CCSER1: variants seen among roughly 807,000 people sequenced by gnomAD.
The protein encoded by CCSER1 is serine-rich coiled-coil domain-containing protein 1.
In CCSER1, 41 loss-of-function variants were observed where a neutral mutation model predicts 82.0. The observed-to-expected ratio is 0.50, with a 90% CI of 0.39 to 0.65. CCSER1 has a LOEUF of 0.65. CCSER1 is among the 30% of genes least tolerant of loss of function. The pLI, the probability that CCSER1 is intolerant of heterozygous loss-of-function variation, is 0.00. For synonymous variants in CCSER1, 414 were observed against 383.9 expected (o/e 1.08, Z -0.92); for missense variants, 1,119 against 1,064.2 (o/e 1.05, Z -0.72).
At chr4:90,258,241 A>C (rs1723699316) in intron 1 of CCSER1, among the ~76,000 whole-genome samples, 1 of 152,196 alleles carries the variant, frequency 6.6e-6, no homozygotes, top group Admixed American at 6.5e-5. Flanking sequence ...TCGGATGGGC[A>C]CGGTGGCTCA....
intron 9 of CCSER1, among the ~76,000 whole-genome samples, chr4:91,083,434 G>A (rs981007373): frequency 3.3e-5 from 5 of 152,246 alleles, no homozygotes; most frequent in South Asian, 2.1e-4. Context: ...GGGAAGGATA[G>A]CATTAGGAGA....
chr4:90,130,157 T>C (rs1722566006), intron 1 of CCSER1, among the ~76,000 whole-genome samples: 1 of 152,214 alleles, frequency 6.6e-6, no homozygotes, highest in African/African-American at 2.4e-5. Flanking sequence ...CTCATCATAA[T>C]GCTCATAATA....
chr4:91,430,727 T>G (rs1456832762), intron 10 of CCSER1, among the ~76,000 whole-genome samples: 5 of 152,254 alleles, frequency 3.3e-5, no homozygotes, highest in Admixed American at 3.3e-4. Flanking sequence ...ATGAATGTAC[T>G]ACATATTTCT....
intron 6 of CCSER1, among the ~76,000 whole-genome samples, chr4:90,696,491 G>C (rs2149257298): frequency 6.6e-6 from 1 of 152,098 alleles, no homozygotes; most frequent in South Asian, 2.1e-4. Flanking sequence ...ACTTGGTTTT[G>C]TATTTTACCT....
Position 91,094,496 on chromosome 4 carries a change from C to T in CCSER1, c.2217+8502C>T, listed in dbSNP as rs189371759. ...AACCAAGCGTAAGTCCTGTACAGTT[C>T]GATAGTCCTTGGTCCCTGGCTTGGG... On this transcript the variant is annotated intron_variant, in intron 10 of 10. Transcript: ENST00000509176. Among the ~76,000 whole-genome samples the T allele has an allele frequency of 6.6e-5, 10 of 152,216 alleles. No homozygotes were observed. The East Asian group carries it at 1.4e-3, about 21-fold the overall frequency.
intron 4 of CCSER1, among the ~76,000 whole-genome samples, chr4:90,454,024 G>A (rs1393400719): frequency 6.6e-6 from 1 of 152,166 alleles, no homozygotes; most frequent in African/African-American, 2.4e-5. Flanking sequence ...GGTGACCTGT[G>A]TCTCTGGGGA....
intron 5 of CCSER1, among the ~76,000 whole-genome samples, chr4:90,520,933 G>A (rs1029417607): frequency 6.6e-6 from 1 of 152,084 alleles, no homozygotes; most frequent in African/African-American, 2.4e-5. Context: ...AGATAAGTGA[G>A]TAAAATGTGT....
chr4:91,487,240 T>G (rs1758271394), intron 10 of CCSER1, among the ~76,000 whole-genome samples: 1 of 152,090 alleles, frequency 6.6e-6, no homozygotes, highest in South Asian at 2.1e-4. Flanking sequence ...CCTTTCAACT[T>G]TTTTTGGTAT....
At chr4:90,131,231 C>A (rs1034579813) in intron 1 of CCSER1, among the ~76,000 whole-genome samples, 4 of 152,210 alleles carry the variant, frequency 2.6e-5, no homozygotes. Flanking sequence ...GAACTCCGGA[C>A]CTCAGTTGAT....
chr4:90,232,401 A>G lies in CCSER1; in HGVS notation c.-41-75843A>G, dbSNP rs1355857089. Among the ~76,000 whole-genome samples the G allele has an allele frequency of 1.3e-4, 20 of 152,072 alleles. No individual in the cohort carries two copies. In the South Asian group the frequency reaches 1.7e-3, roughly 13 times the overall value. On this transcript the variant is annotated intron_variant, in intron 1 of 10. Transcript: ENST00000509176. ...GATTCCCTATTTAATAAATGGTGCT[A>G]GGAAAACTGGCTAGCCATATGTAGA...
At chr4:90,228,789 G>A (rs1453837643) in intron 1 of CCSER1, among the ~76,000 whole-genome samples, 2 of 152,230 alleles carry the variant, frequency 1.3e-5, no homozygotes, top group African/African-American at 4.8e-5. Context: ...AGCTGATGGA[G>A]CTGAAGACCA....
chr4:90,249,570 T>A (rs1578747576), intron 1 of CCSER1, among the ~76,000 whole-genome samples: 1 of 152,176 alleles, frequency 6.6e-6, no homozygotes, highest in Admixed American at 6.6e-5. Context: ...TTCTGAACAC[T>A]TCATATAAAT....
chr4:91,145,418 C>A (rs1729444105), intron 10 of CCSER1, among the ~76,000 whole-genome samples: 1 of 152,068 alleles, frequency 6.6e-6, no homozygotes, highest in South Asian at 2.1e-4. Flanking sequence ...GCTTGTCACT[C>A]TGCCTTTTAA....
At chr4:91,031,203 G>A (rs1411170089) in intron 9 of CCSER1, among the ~76,000 whole-genome samples, 2 of 152,118 alleles carry the variant, frequency 1.3e-5, no homozygotes, top group African/African-American at 4.8e-5. Flanking sequence ...GCTTGATTTT[G>A]ATATAAAACC....
intron 9 of CCSER1, among the ~76,000 whole-genome samples, chr4:91,073,118 C>T (rs1721607618): frequency 1.3e-5 from 2 of 151,896 alleles, no homozygotes; most frequent in South Asian, 2.1e-4. Flanking sequence ...ACAGTATAGA[C>T]ATTCAAAGAT....
At chr4:90,881,487 C>T (rs1038082178) in intron 8 of CCSER1, among the ~76,000 whole-genome samples, 2 of 152,244 alleles carry the variant, frequency 1.3e-5, no homozygotes. Flanking sequence ...TATGTACACA[C>T]ACTGCCAGAT....
intron 10 of CCSER1, among the ~76,000 whole-genome samples, chr4:91,470,360 T>G (rs1157526016): frequency 6.6e-6 from 1 of 152,190 alleles, no homozygotes; most frequent in African/African-American, 2.4e-5. Flanking sequence ...TCCTCCTTCT[T>G]CTTCCTAAAT....
At chr4:90,841,745 T>G (rs1319552541) in intron 8 of CCSER1, among the ~76,000 whole-genome samples, 1 of 152,174 alleles carries the variant, frequency 6.6e-6, no homozygotes, top group Non-Finnish European at 1.5e-5. Flanking sequence ...GTTGAATCTT[T>G]TCACATTATA....
intron 6 of CCSER1, among the ~76,000 whole-genome samples, chr4:90,667,208 T>C (rs1434898065): frequency 6.6e-6 from 1 of 152,162 alleles, no homozygotes; most frequent in Non-Finnish European, 1.5e-5. Flanking sequence ...CCTGTCCTTC[T>C]GACTTTGAAC....
Sources: gnomAD v4.1 joint callset for allele counts (sites outside exome capture counted in the v4.1 genomes callset) on GRCh38, gnomAD v4.1.1 for gene constraint, MANE v1.5 for transcripts, NCBI Gene and HGNC (gene_info 2026-07-23, HGNC 2026-07-21) for gene names.